UGT2B4: variants seen among roughly 807,000 people sequenced by gnomAD.
UGT2B4 encodes UDP glucuronosyltransferase family 2 member B4.
In UGT2B4, 49 loss-of-function variants were observed where a neutral mutation model predicts 49.8. The observed-to-expected ratio is 0.98, with a 90% CI of 0.78 to 1.25. The LOEUF (loss-of-function observed/expected upper bound fraction) is 1.25. UGT2B4 is among the 50% of genes most tolerant of loss of function. UGT2B4 has a pLI of 0.00. For missense variants in UGT2B4, 729 were observed against 627.7 expected (o/e 1.16, Z -1.73); for synonymous variants, 246 against 217.7 (o/e 1.13, Z -1.14).
intron 5 of UGT2B4, among the ~76,000 whole-genome samples, chr4:69,481,852 A>G (rs1280911295): frequency 6.6e-6 from 1 of 151,818 alleles, no homozygotes; most frequent in African/African-American, 2.4e-5. Flanking sequence ...CTTCTATTCT[A>G]CTCTTTGTGT....
chr4:69,502,984 G>T (rs2331748), intron 1 of UGT2B4, among the ~76,000 whole-genome samples: 5 of 151,898 alleles, frequency 3.3e-5, no homozygotes, highest in Admixed American at 1.3e-4. Context: ...CCTCTCTGGG[G>T]GGATCCTCCA....
intron 1 of UGT2B4, among the ~76,000 whole-genome samples, chr4:69,515,345 TA>T (rs1464109910): frequency 1.3e-5 from 2 of 152,092 alleles, no homozygotes; most frequent in East Asian, 1.9e-4. Flanking sequence ...AAATTAGAAC[TA>T]AAGATTAAGA....
chr4:69,486,416 G>C (rs1290364773), intron 4 of UGT2B4, 193 bp downstream of exon 4: 3 of 349,830 alleles, frequency 8.6e-6, no homozygotes, highest in Non-Finnish European at 1.5e-5. Context: ...TGATTGTAAA[G>C]AATGTGGGTG....
chr4:69,500,651 AAG>A (rs1175826991), upstream of UGT2B4, among the ~76,000 whole-genome samples: 1 of 135,660 alleles, frequency 7.4e-6, no homozygotes, highest in Admixed American at 7.7e-5. Context: ...GAAAGAAAGA[AAG>A]AAAGAAAGAA....
intron 1 of UGT2B4, among the ~76,000 whole-genome samples, chr4:69,515,845 G>A (rs1728718231): frequency 1.3e-5 from 2 of 152,056 alleles, no homozygotes; most frequent in African/African-American, 2.4e-5. Flanking sequence ...CATTATTACT[G>A]GAGATAATTT....
intron 4 of UGT2B4, 191 bp downstream of exon 4, chr4:69,486,418 A>G (rs1727784101): frequency 2.8e-6 from 1 of 356,850 alleles, no homozygotes; most frequent in East Asian, 5.6e-5. Context: ...ATTGTAAAGA[A>G]TGTGGGTGCA....
rs115880277 is a variant in UGT2B4 at position 69,524,988 on chromosome 4, G to A, written c.-106+699C>T. ...GTCATGGTATTTAGAAAGCATTCCA[G>A]TAAGTATGAATTTTAGATTAAATTG... is the stretch of plus-strand genomic sequence containing the variant. On this transcript the variant is annotated intron_variant, in intron 1 of 1. Transcript: ENST00000510114. Among the ~76,000 whole-genome samples, 671 of 152,278 alleles carry A rather than the reference G, an allele frequency of 4.4e-3. 5 individuals carry two copies. The highest frequency in any genetic ancestry group is 0.016 in the African/African-American group (651 of 41,552).
chr4:69,525,784 A>G (rs959033305), exon 1 of UGT2B4: 2 of 1,173,374 alleles, frequency 1.7e-6, no homozygotes, highest in Non-Finnish European at 2.2e-6. Context: ...AAACAAGTTG[A>G]CTAACATTTA....
upstream of UGT2B4, among the ~76,000 whole-genome samples, chr4:69,500,316 T>C (rs1728267910): frequency 6.6e-6 from 1 of 152,060 alleles, no homozygotes; most frequent in Non-Finnish European, 1.5e-5. Flanking sequence ...GATGGGTTGA[T>C]AGCTGCAGCA....
chr4:69,485,778 T>C (rs1431889142), intron 4 of UGT2B4, among the ~76,000 whole-genome samples: 1 of 152,212 alleles, frequency 6.6e-6, no homozygotes. Flanking sequence ...TTGCTTTTAA[T>C]GGAGACGGAG....
At chr4:69,500,525 A>AC (rs1728274454), upstream of UGT2B4, among the ~76,000 whole-genome samples, 1 of 150,966 alleles carries the variant, frequency 6.6e-6, no homozygotes, top group Non-Finnish European at 1.5e-5. Context: ...GGAAAGAAAG[A>AC]AAGAAAGAAG....
chr4:69,505,131 A>C (rs1220937275), intron 1 of UGT2B4, among the ~76,000 whole-genome samples: 1 of 152,238 alleles, frequency 6.6e-6, no homozygotes, highest in Admixed American at 6.5e-5. Flanking sequence ...ACTGAAGTAC[A>C]CATGCTAGTG....
intron 2 of UGT2B4, among the ~76,000 whole-genome samples, chr4:69,492,897 C>T (rs1257139491): frequency 6.6e-6 from 1 of 152,056 alleles, no homozygotes; most frequent in Non-Finnish European, 1.5e-5. Flanking sequence ...TAGTTTGGCC[C>T]TTCCACAATT....
intron 1 of UGT2B4, among the ~76,000 whole-genome samples, chr4:69,510,831 G>A (rs1162120199): frequency 2.0e-5 from 3 of 151,830 alleles, no homozygotes; most frequent in African/African-American, 4.8e-5. Flanking sequence ...GGTTTCAGCT[G>A]GTACTCCAGT....
At chr4:69,493,597 C>A (rs1728057042) in intron 2 of UGT2B4, 96 bp downstream of exon 2, 1 of 1,416,996 alleles carries the variant, frequency 7.1e-7, no homozygotes, top group African/African-American at 1.5e-5. Context: ...CTTCCCACTT[C>A]CACCTTTCTT....
Position 69,493,743 on chromosome 4 carries a change from C to T in UGT2B4, c.820G>A (p.Val274Ile), listed in dbSNP as rs578216873. 1.2e-4 allele frequency: 198 copies of T among 1,611,376 alleles called. No homozygotes were observed. The highest frequency in any genetic ancestry group is 1.1e-3 in the South Asian group (98 of 90,510). The change falls in exon 2 of 6, where the codon GTT becomes ATT. Residue 274 changes from valine to isoleucine, a missense_variant. Coordinates refer to ENST00000305107, the MANE Select transcript of UGT2B4 (RefSeq NM_021139.3). ...CAGTGGAGTCCTCCAACGAACTCAA[C>T]ATTTGGTAAGAGTGGGTGAGGAAAT... ...FQFPHPLLPN[V>I]EFVGGLHCKP...
chr4:69,506,147 A>C (rs1425648047), intron 1 of UGT2B4, among the ~76,000 whole-genome samples: 1 of 152,114 alleles, frequency 6.6e-6, no homozygotes, highest in East Asian at 1.9e-4. Flanking sequence ...TAACAACCTG[A>C]AAATCACAAC....
chr4:69,506,655 C>A (rs543884836), intron 1 of UGT2B4, among the ~76,000 whole-genome samples: 51 of 151,436 alleles, frequency 3.4e-4, no homozygotes, highest in African/African-American at 1.2e-3. Flanking sequence ...AAAAGAAGAC[C>A]TGGTATTATT....
rs563750068 is a variant in UGT2B4, at chr4:69,487,088, A to G, written c.1003-392T>C. Among the ~76,000 whole-genome samples the G allele has an allele frequency of 2.6e-5, 4 of 152,256 alleles. No homozygotes were observed. The South Asian group carries it at 6.2e-4, about 24-fold the overall frequency. ...TTATTAAAAACTCAAAAAATAACAG[A>G]TGCTTGTGATGTTGTATAGAAAAAG... On this transcript the variant is annotated intron_variant, in intron 3 of 5. Transcript: ENST00000305107.
Sources: gnomAD v4.1 joint callset for allele counts (sites outside exome capture counted in the v4.1 genomes callset) on GRCh38, gnomAD v4.1.1 for gene constraint, MANE v1.5 for transcripts, NCBI Gene and HGNC (gene_info 2026-07-23, HGNC 2026-07-21) for gene names.